CHRM2: variants seen among roughly 807,000 people sequenced by gnomAD.
The protein encoded by CHRM2 is muscarinic acetylcholine receptor M2.
In CHRM2, 8 loss-of-function variants were observed where a neutral mutation model predicts 25.0. The ratio of observed to expected loss-of-function variants is 0.32; its 90% CI spans 0.19 to 0.58. The LOEUF is 0.58. Ranked by LOEUF, CHRM2 falls within the 20% of genes least tolerant of loss-of-function variation. The pLI is 0.88. For missense variants in CHRM2, 440 were observed against 567.1 expected (o/e 0.78, Z 2.28); for synonymous variants, 202 against 205.7 (o/e 0.98, Z 0.15).
rs1803278089 is a variant in CHRM2 at position 136,992,203 on chromosome 7, G to A, written c.-108G>A. ...TTCTACCAGGTTGTTAGCGACATGA[G>A]TACAGGGTCTGGATCTTACCCATTC... On this transcript the variant is annotated 5_prime_UTR_variant, in exon 3 of 4. Transcript: ENST00000680005. 1 of 152,150 alleles carries A rather than the reference G, an allele frequency of 6.6e-6. No homozygotes were observed. Among genetic ancestry groups the A allele is most frequent in the African/African-American group, 2.4e-5 (1 of 41,434 alleles). The allele number at this position is 152,150 out of a possible 1,614,324, so 9.4% of individuals were successfully genotyped here.
intron 3 of CHRM2, among the ~76,000 whole-genome samples, chr7:137,003,208 T>C (rs1804170563): frequency 6.6e-6 from 1 of 152,102 alleles, no homozygotes; most frequent in African/African-American, 2.4e-5. Context: ...TGCAGCCTGG[T>C]AGGGCTTGCT....
At chr7:136,888,817 C>A (rs963425560) in intron 2 of CHRM2, among the ~76,000 whole-genome samples, 1 of 152,034 alleles carries the variant, frequency 6.6e-6, no homozygotes, top group African/African-American at 2.4e-5. Context: ...GAGGCCAAGG[C>A]AGGCGGATCA....
chr7:136,971,359 C>A (rs529008551), intron 2 of CHRM2, among the ~76,000 whole-genome samples: 2 of 152,014 alleles, frequency 1.3e-5, no homozygotes, highest in South Asian at 2.1e-4. Context: ...TGCTGGCCTG[C>A]AATCCCAGCA....
intron 2 of CHRM2, among the ~76,000 whole-genome samples, chr7:136,921,920 G>A (rs537702739): frequency 1.3e-5 from 2 of 151,654 alleles, no homozygotes; most frequent in South Asian, 2.1e-4. Context: ...TTACAGGTGC[G>A]CATGCCTGGC....
chr7:137,003,374 T>C (rs1046576685), intron 3 of CHRM2, among the ~76,000 whole-genome samples: 1 of 152,076 alleles, frequency 6.6e-6, no homozygotes, highest in Non-Finnish European at 1.5e-5. Context: ...TCCTTAACCT[T>C]TAGAAGAACA....
chr7:136,952,503 C>G (rs1416338039), intron 2 of CHRM2, among the ~76,000 whole-genome samples: 1 of 152,192 alleles, frequency 6.6e-6, no homozygotes, highest in African/African-American at 2.4e-5. Context: ...CGTCTGACTT[C>G]TACACTGCTG....
intron 2 of CHRM2, among the ~76,000 whole-genome samples, chr7:136,892,192 A>G (rs764126496): frequency 6.6e-6 from 1 of 152,226 alleles, no homozygotes; most frequent in Non-Finnish European, 1.5e-5. Flanking sequence ...CCTTTTTGCC[A>G]AAATTCTTGA....
chr7:136,910,800 AGTGTGT>A (rs71533718), intron 2 of CHRM2, among the ~76,000 whole-genome samples: 56 of 145,764 alleles, frequency 3.8e-4, no homozygotes, highest in African/African-American at 9.9e-4. Context: ...TTTAAAATTA[AGTGTGT>A]GTGTGTGTGT....
intron 2 of CHRM2, among the ~76,000 whole-genome samples, chr7:136,891,965 C>T (rs1360041874): frequency 6.6e-6 from 1 of 152,174 alleles, no homozygotes; most frequent in Non-Finnish European, 1.5e-5. Context: ...CTAACTTTTA[C>T]TTCATGTTTT....
At chr7:136,870,111 C>T (rs28385274) in intron 2 of CHRM2, 17,720 of 152,464 alleles carry the variant, frequency 0.12, 1,557 homozygotes, top group African/African-American at 0.24. Flanking sequence ...GACTGTCCGC[C>T]GTGGCTGGGG....
intron 2 of CHRM2, among the ~76,000 whole-genome samples, chr7:136,901,593 T>C (rs971048388): frequency 4.6e-5 from 7 of 152,112 alleles, no homozygotes; most frequent in African/African-American, 1.7e-4. Flanking sequence ...CAACCCAGTT[T>C]GGCCATTCCC....
At chr7:136,985,800 GA>G (rs1802818483) in intron 2 of CHRM2, among the ~76,000 whole-genome samples, 1 of 152,030 alleles carries the variant, frequency 6.6e-6, no homozygotes, top group Non-Finnish European at 1.5e-5. Flanking sequence ...GGGTTGTATG[GA>G]GTTCACTCAC....
chr7:136,879,520 T>C (rs1796178698), intron 2 of CHRM2, among the ~76,000 whole-genome samples: 1 of 151,974 alleles, frequency 6.6e-6, no homozygotes, highest in African/African-American at 2.4e-5. Context: ...GAAATGATAA[T>C]ACCAGCTAAT....
chr7:137,011,195 G>A lies in CHRM2; in HGVS notation c.-46-3625G>A, dbSNP rs557711763. The stretch of plus-strand genomic sequence containing the variant: ...CAGAACCAATAGGATATATGTGTAC[G>A]TGTGTGTGTGTGTGTGTGTGTATAT... On this transcript the variant is annotated intron_variant, in intron 3 of 3. Transcript: ENST00000680005. 2.0e-4 allele frequency among the ~76,000 whole-genome samples: 22 copies of A among 108,376 alleles called. No homozygotes were observed. In the East Asian group the frequency reaches 4.3e-3, roughly 21 times the overall value. 71.1% of individuals were successfully genotyped at this position (108,376 alleles called of 152,430 possible). A position where few individuals can be genotyped will look rare whatever the true frequency, so the allele number is the denominator to read the frequency against.
intron 2 of CHRM2, among the ~76,000 whole-genome samples, chr7:136,952,598 G>A (rs1364003899): frequency 6.6e-6 from 1 of 151,794 alleles, no homozygotes; most frequent in African/African-American, 2.4e-5. Flanking sequence ...TAAGTTCAGG[G>A]GTACATGTGC....
intron 3 of CHRM2, among the ~76,000 whole-genome samples, chr7:137,004,392 A>C (rs1448345484): frequency 6.6e-6 from 1 of 152,150 alleles, no homozygotes; most frequent in Non-Finnish European, 1.5e-5. Context: ...ATACTCCCTG[A>C]TAGAGGTAAA....
chr7:136,979,401 T>C (rs908722234), intron 2 of CHRM2, among the ~76,000 whole-genome samples: 3 of 152,228 alleles, frequency 2.0e-5, no homozygotes, highest in African/African-American at 7.2e-5. Flanking sequence ...AGGTTGCCTG[T>C]TCACTCTGAT....
chr7:136,938,248 C>A lies in CHRM2; in HGVS notation c.-124-53939C>A, dbSNP rs1236061629. On this transcript the variant is annotated intron_variant, in intron 2 of 3. Coordinates refer to ENST00000680005, the MANE Select transcript of CHRM2 (RefSeq NM_001006630.2). Reference sequence around the variant, plus strand: ...TTGTTACTGAATCTTTAGCTAATGGCTTCAGAAACTTTTAAAAGAAGAGTG... The same window carrying A: ...TTGTTACTGAATCTTTAGCTAATGGATTCAGAAACTTTTAAAAGAAGAGTG... 1.3e-5 allele frequency: 11 copies of A among 816,736 alleles called. No homozygotes were observed. The Admixed American group carries it at 1.9e-4, about 14-fold the overall frequency. 50.6% of individuals were successfully genotyped at this position (816,736 alleles called of 1,614,324 possible). A position where few individuals can be genotyped will look rare whatever the true frequency, so the allele number is the denominator to read the frequency against.
At chr7:136,913,574 T>G (rs1218507463) in intron 2 of CHRM2, among the ~76,000 whole-genome samples, 1 of 150,732 alleles carries the variant, frequency 6.6e-6, no homozygotes, top group African/African-American at 2.5e-5. Flanking sequence ...AACCAATACC[T>G]AATCACCAAA....
Sources: allele counts gnomAD v4.1 joint callset (sites outside exome capture counted in the v4.1 genomes callset), GRCh38; gene constraint gnomAD v4.1.1; transcripts MANE v1.5; gene names NCBI Gene and HGNC (gene_info 2026-07-23, HGNC 2026-07-21).